The following CHD6 variants were observed in gnomAD, a reference collection of about 807,000 sequenced individuals.
CHD6 encodes chromodomain helicase DNA binding protein 6, also known as ATP-dependent chromatin remodeler CHD6.
CHD6 carries 50 observed loss-of-function variants against 276.9 expected under a neutral mutation model. That is an observed-to-expected ratio of 0.18 (90% CI 0.14 to 0.23). The LOEUF (loss-of-function observed/expected upper bound fraction) is 0.23, where lower values mean the gene tolerates loss of function less well. Among genes scored for constraint, CHD6 ranks in the 10% least tolerant of loss-of-function variants. The pLI is 1.00. For synonymous variants in CHD6, 1,173 were observed against 1,229.3 expected (o/e 0.95, Z 0.96); for missense variants, 2,564 against 3,365.8 (o/e 0.76, Z 5.89).
chr20:41,617,949 G>T (rs936645222), intron 1 of CHD6, among the ~76,000 whole-genome samples: 2,474 of 146,578 alleles, frequency 0.017, 43 homozygotes, highest in Non-Finnish European at 0.023. Context: ...GCCCGCCCCG[G>T]GGGGGGCCTC....
intron 2 of CHD6, among the ~76,000 whole-genome samples, chr20:41,546,513 A>G (rs6065370): frequency 0.4 from 60,653 of 152,018 alleles, 14,642 homozygotes; most frequent in African/African-American, 0.66. Context: ...TATACATTAC[A>G]TAATATTTAT....
chr20:41,404,218 G>C lies in CHD6; in HGVS notation c.*375C>G, dbSNP rs1443497141. The C allele has an allele frequency of 2.8e-6, 3 of 1,072,840 alleles. No individual in the cohort carries two copies. Among genetic ancestry groups the C allele is most frequent in the African/African-American group, 3.3e-5 (2 of 61,484 alleles). 66.5% of individuals were successfully genotyped at this position (1,072,840 alleles called of 1,614,324 possible). A position where few individuals can be genotyped will look rare whatever the true frequency, so the allele number is the denominator to read the frequency against. On this transcript the variant is annotated 3_prime_UTR_variant, in exon 37 of 37. Transcript: ENST00000373233. ...AGAAAAAGAGCTCCTCTTTGTCTCTGTTCTTCCACCCTTCAATGGTAAAAC... is the reference window on the plus strand; with the variant it reads ...AGAAAAAGAGCTCCTCTTTGTCTCTCTTCTTCCACCCTTCAATGGTAAAAC...
At chr20:41,478,805 G>A (rs922321818) in intron 16 of CHD6, among the ~76,000 whole-genome samples, 7 of 152,152 alleles carry the variant, frequency 4.6e-5, no homozygotes, top group African/African-American at 1.7e-4. Flanking sequence ...CAATATAACA[G>A]AATTCTAAAT....
In CHD6 at chr20:41,452,150, C is replaced by T; in HGVS notation, c.3324-125G>A. On this transcript the variant is annotated intron_variant, in intron 21 of 36. Coordinates refer to ENST00000373233, the MANE Select transcript of CHD6 (RefSeq NM_032221.5). This position sits in a 1 kb window ranked among gnomAD's most constrained non-coding sequence, Gnocchi z 4.2. ...GTTCTCTGTAGGTCTGTTAATCATCCCAAGGGCTTTGTCCCGAAAGGCCTT... is the reference window on the plus strand; with the variant it reads ...GTTCTCTGTAGGTCTGTTAATCATCTCAAGGGCTTTGTCCCGAAAGGCCTT... The T allele has an allele frequency of 6.6e-6, 5 of 753,002 alleles. No individual in the cohort carries two copies. The South Asian group carries it at 8.4e-5, about 13-fold the overall frequency. The allele number at this position is 753,002 out of a possible 1,614,324, so 46.6% of individuals were successfully genotyped here. A position where few individuals can be genotyped will look rare whatever the true frequency, so the allele number is the denominator to read the frequency against.
chr20:41,546,675 G>C (rs1486471981), intron 2 of CHD6, among the ~76,000 whole-genome samples: 1 of 152,118 alleles, frequency 6.6e-6, no homozygotes, highest in Non-Finnish European at 1.5e-5. Flanking sequence ...TGCCACATAG[G>C]TTTTCAATGA....
chr20:41,615,023 T>C (rs8117435), intron 1 of CHD6, among the ~76,000 whole-genome samples: 59,098 of 151,902 alleles, frequency 0.39, 14,428 homozygotes, highest in African/African-American at 0.67. Context: ...TGTTAGCTAA[T>C]TAACCTAACA....
chr20:41,474,487 T>C lies in CHD6; in HGVS notation c.2469-970A>G, dbSNP rs574908944. 7.9e-5 allele frequency among the ~76,000 whole-genome samples: 12 copies of C among 152,272 alleles called. No homozygotes were observed. In the East Asian group the frequency reaches 2.3e-3, roughly 29 times the overall value. ...AACATATGAATTAACAAGGGGGATGTTACTCTGGGCCCAATTTTGACCCAC... is the reference window on the plus strand; with the variant it reads ...AACATATGAATTAACAAGGGGGATGCTACTCTGGGCCCAATTTTGACCCAC... On this transcript the variant is annotated intron_variant, in intron 16 of 36. Transcript: ENST00000373233.
chr20:41,403,618 A>G lies in CHD6; in HGVS notation c.*975T>C. ...TCAAAGGACCTACTAGCAAGTGTCA[A>G]AGTGTTGGGCAACTGTCTTCTTGCA... is the stretch of plus-strand genomic sequence containing the variant. On this transcript the variant is annotated 3_prime_UTR_variant, in exon 37 of 37. Coordinates refer to ENST00000373233, the MANE Select transcript of CHD6 (RefSeq NM_032221.5). 2 of 1,062,268 alleles carry G rather than the reference A, an allele frequency of 1.9e-6. No homozygotes were observed. Among genetic ancestry groups the G allele is most frequent in the Non-Finnish European group, 2.3e-6 (2 of 877,386 alleles). The allele number at this position is 1,062,268 out of a possible 1,614,324, so 65.8% of individuals were successfully genotyped here.
Position 41,420,670 on chromosome 20 carries a change from A to G in CHD6, c.5965T>C (p.Phe1989Leu). 1.9e-6 allele frequency: 3 copies of G among 1,614,160 alleles called. No homozygotes were observed. Among genetic ancestry groups the G allele is most frequent in the Non-Finnish European group, 2.5e-6 (3 of 1,180,024 alleles). Residue 1989 changes from phenylalanine (F) to leucine (L), a missense_variant, in exon 31 of 37, where the codon TTT becomes CTT. This residue lies in a region of CHD6 where 1,024 missense variants were observed against 1,047.9 expected (regional missense o/e 0.98). Coordinates refer to ENST00000373233, the MANE Select transcript of CHD6 (RefSeq NM_032221.5). ...GEPTAIPSQPFKVKHELLKEP... is the reference protein window; with the variant it reads ...GEPTAIPSQPLKVKHELLKEP... Reference sequence around the variant, plus strand: ...TTTAAAAGCTCATGCTTCACTTTAAACGGCTGTGATGGAATAGCAGTGGGT... The same window carrying G: ...TTTAAAAGCTCATGCTTCACTTTAAGCGGCTGTGATGGAATAGCAGTGGGT...
intron 3 of CHD6, among the ~76,000 whole-genome samples, chr20:41,524,839 C>G (rs1834896827): frequency 6.6e-6 from 1 of 152,226 alleles, no homozygotes; most frequent in African/African-American, 2.4e-5. Context: ...GCTCCTCTGT[C>G]ATGACCCATT....
At chr20:41,600,320 A>G (rs1017378162) in intron 1 of CHD6, among the ~76,000 whole-genome samples, 4 of 152,210 alleles carry the variant, frequency 2.6e-5, no homozygotes, top group African/African-American at 7.2e-5. Flanking sequence ...ACTTTGCACT[A>G]AAGAAGCCAG....
intron 36 of CHD6, among the ~76,000 whole-genome samples, chr20:41,406,117 A>G (rs969360777): frequency 6.6e-6 from 1 of 152,214 alleles, no homozygotes; most frequent in Non-Finnish European, 1.5e-5. Context: ...CTAATGGCAC[A>G]TTACTTATTT....
intron 1 of CHD6, among the ~76,000 whole-genome samples, chr20:41,580,154 A>C (rs757453392): frequency 2.0e-5 from 3 of 152,212 alleles, no homozygotes; most frequent in Non-Finnish European, 2.9e-5. Context: ...CGAATGCTAT[A>C]AACTACTATT....
intron 27 of CHD6, among the ~76,000 whole-genome samples, chr20:41,430,523 C>T (rs1038962797): frequency 1.4e-4 from 22 of 152,000 alleles, no homozygotes; most frequent in East Asian, 5.8e-4. Context: ...GTCTGGACTA[C>T]GAAAAGAATA....
chr20:41,471,499 A>C (rs980623617), intron 17 of CHD6, among the ~76,000 whole-genome samples: 2 of 151,946 alleles, frequency 1.3e-5, no homozygotes, highest in Admixed American at 6.6e-5. Context: ...TTGCATGTTG[A>C]ACATAGTTTA....
intron 31 of CHD6, among the ~76,000 whole-genome samples, chr20:41,419,364 GAAGCCAGAAGTTCAAGACC>G (rs2047105302): frequency 6.6e-6 from 1 of 151,730 alleles, no homozygotes; most frequent in Non-Finnish European, 1.5e-5. Flanking sequence ...TGGATTGCTT[GAAGCCAGAAGTTCAAGACC>G]AGCCTGGCCA....
chr20:41,489,428 C>T (rs1245719914), intron 12 of CHD6, among the ~76,000 whole-genome samples: 1 of 152,188 alleles, frequency 6.6e-6, no homozygotes, highest in African/African-American at 2.4e-5. Flanking sequence ...GCTGGGAATC[C>T]ATTCTCTGTA....
At chr20:41,601,650 TTATA>T (rs1457770300) in intron 1 of CHD6, among the ~76,000 whole-genome samples, 1 of 152,122 alleles carries the variant, frequency 6.6e-6, no homozygotes, top group Non-Finnish European at 1.5e-5. Flanking sequence ...TGCCCTGCAT[TTATA>T]TAAATGTCAG....
At position 41,510,384 on chromosome 20, in the gene CHD6, C is replaced by T. The variant is rs147624768; in HGVS notation, c.852+2462G>A. Among the ~76,000 whole-genome samples, 978 of 152,248 alleles carry T rather than the reference C, an allele frequency of 6.4e-3. 11 individuals carry two copies. Among genetic ancestry groups the T allele is most frequent in the Middle Eastern group, 0.024 (7 of 294 alleles). ...CAATTTTGAAAATCACTCGGTAAGC[C>T]GATCTCTCCAGTCCCCTCACTGGTT... On this transcript the variant is annotated intron_variant, in intron 5 of 36. Coordinates refer to ENST00000373233, the MANE Select transcript of CHD6 (RefSeq NM_032221.5).
Sources: allele counts gnomAD v4.1 joint callset (sites outside exome capture counted in the v4.1 genomes callset), GRCh38; gene constraint gnomAD v4.1.1; regional missense constraint gnomAD v4.1.1; non-coding constraint Gnocchi (gnomAD v3.1); transcripts MANE v1.5; gene names NCBI Gene and HGNC (gene_info 2026-07-23, HGNC 2026-07-21).